DNAH14: variants seen among roughly 807,000 people sequenced by gnomAD.
The protein encoded by DNAH14 is axonemal beta dynein heavy chain 14.
A neutral mutation model predicts 520.9 loss-of-function variants in DNAH14; 478 were observed. The ratio of observed to expected loss-of-function variants is 0.92; its 90% CI spans 0.85 to 0.99. DNAH14 has a LOEUF of 0.99. DNAH14 is among the 50% of genes least tolerant of loss of function. The pLI is 0.00. For missense variants in DNAH14, 4,831 were observed against 5,234.5 expected (o/e 0.92, Z 2.38); for synonymous variants, 1,581 against 1,757.2 (o/e 0.90, Z 2.51).
intron 35 of DNAH14, among the ~76,000 whole-genome samples, chr1:225,160,563 T>G (rs911666149): frequency 6.6e-6 from 1 of 152,284 alleles, no homozygotes; most frequent in African/African-American, 2.4e-5. Flanking sequence ...GGTTCTAATC[T>G]GTGAAATTAA....
intron 17 of DNAH14, among the ~76,000 whole-genome samples, chr1:225,053,177 C>A (rs1352293428): frequency 1.3e-5 from 2 of 151,980 alleles, no homozygotes; most frequent in Non-Finnish European, 2.9e-5. Context: ...TGGTACCCCA[C>A]ACAAATTCAG....
At chr1:225,044,409 A>G (rs1041481613) in intron 15 of DNAH14, among the ~76,000 whole-genome samples, 4 of 152,166 alleles carry the variant, frequency 2.6e-5, no homozygotes, top group Non-Finnish European at 4.4e-5. Context: ...TTTTCTCACA[A>G]TAAGTTTTAC....
chr1:225,351,826 A>C lies in DNAH14; in HGVS notation c.11476A>C (p.Thr3826Pro). The C allele has an allele frequency of 6.4e-7, 1 of 1,551,322 alleles. No homozygotes were observed. ...TAAAGCAGTTTATTCTCTGATCAGC[A>C]CACCTTTCTCTTCAGAAAATGCTTC... ...NSKAVYSLIS[T>P]PFSSENASLE... The change falls in exon 72 of 86, where the codon ACA becomes CCA. Residue 3826 changes from threonine to proline, a missense_variant. Transcript: ENST00000682510.
chr1:225,096,861 T>A (rs1377946541), intron 21 of DNAH14, among the ~76,000 whole-genome samples: 1 of 152,170 alleles, frequency 6.6e-6, no homozygotes, highest in African/African-American at 2.4e-5. Flanking sequence ...TACATATATA[T>A]GTGTGTTACT....
intron 27 of DNAH14, among the ~76,000 whole-genome samples, chr1:225,135,940 G>A (rs2078918285): frequency 6.6e-6 from 1 of 151,880 alleles, no homozygotes; most frequent in South Asian, 2.1e-4. Context: ...ATCTTTGTTG[G>A]TTTAAAGTCT....
intron 10 of DNAH14, among the ~76,000 whole-genome samples, chr1:225,019,793 A>C (rs559487689): frequency 4.6e-4 from 70 of 152,310 alleles, no homozygotes; most frequent in African/African-American, 1.6e-3. Flanking sequence ...GCAGAAATTT[A>C]AAAAAATTAT....
intron 54 of DNAH14, among the ~76,000 whole-genome samples, chr1:225,279,273 C>T (rs1036896404): frequency 1.3e-5 from 2 of 152,192 alleles, no homozygotes; most frequent in African/African-American, 4.8e-5. Context: ...TCCCAAAGTG[C>T]TGGGATTACA....
intron 41 of DNAH14, among the ~76,000 whole-genome samples, chr1:225,227,744 GC>G (rs2090681265): frequency 6.6e-6 from 1 of 152,130 alleles, no homozygotes; most frequent in Non-Finnish European, 1.5e-5. Context: ...ACTTTATGGT[GC>G]CTAGGACATC....
At chr1:224,940,667 C>T (rs1349293554) in intron 1 of DNAH14, among the ~76,000 whole-genome samples, 1 of 151,700 alleles carries the variant, frequency 6.6e-6, no homozygotes. Flanking sequence ...GCTATCCCTC[C>T]CCCTTCCCCC....
At chr1:225,101,582 C>G (rs2075463414) in intron 23 of DNAH14, among the ~76,000 whole-genome samples, 1 of 152,044 alleles carries the variant, frequency 6.6e-6, no homozygotes, top group South Asian at 2.1e-4. Flanking sequence ...CAAATGTTAC[C>G]TCCCACAAAT....
chr1:225,169,725 C>T (rs192464393), intron 36 of DNAH14, among the ~76,000 whole-genome samples: 2 of 152,254 alleles, frequency 1.3e-5, no homozygotes, highest in Non-Finnish European at 1.5e-5. Flanking sequence ...AGAACTTCCC[C>T]AACCAAGGCA....
chr1:225,043,449 CA>C (rs1475325102), intron 13 of DNAH14, among the ~76,000 whole-genome samples: 1 of 152,118 alleles, frequency 6.6e-6, no homozygotes, highest in Non-Finnish European at 1.5e-5. Flanking sequence ...CATTGTTGTG[CA>C]TGTCAGTAAT....
At chr1:225,213,266 A>G (rs1356585236) in intron 41 of DNAH14, among the ~76,000 whole-genome samples, 1 of 152,054 alleles carries the variant, frequency 6.6e-6, no homozygotes, top group Non-Finnish European at 1.5e-5. Flanking sequence ...CCATTGGTCT[A>G]TATCTCTGTT....
chr1:225,199,331 T>C (rs1377082412), intron 38 of DNAH14, among the ~76,000 whole-genome samples: 1 of 152,156 alleles, frequency 6.6e-6, no homozygotes, highest in Non-Finnish European at 1.5e-5. Flanking sequence ...TTGTTTCAAT[T>C]TCATTTATTT....
At chr1:224,964,118 T>C (rs1239306148) in intron 4 of DNAH14, among the ~76,000 whole-genome samples, 1 of 152,042 alleles carries the variant, frequency 6.6e-6, no homozygotes, top group Non-Finnish European at 1.5e-5. Flanking sequence ...AGGAAAAATG[T>C]CTCCATCCCA....
chr1:225,139,634 T>C (rs1290192723), intron 27 of DNAH14, among the ~76,000 whole-genome samples: 1 of 152,228 alleles, frequency 6.6e-6, no homozygotes, highest in Non-Finnish European at 1.5e-5. Context: ...AAAATTCCTT[T>C]ATAAATAAAT....
At chr1:225,218,231 A>G (rs904102228) in intron 41 of DNAH14, among the ~76,000 whole-genome samples, 4 of 152,234 alleles carry the variant, frequency 2.6e-5, no homozygotes, top group Non-Finnish European at 5.9e-5. Context: ...CATCAACACT[A>G]TGAAGAAACT....
intron 39 of DNAH14, among the ~76,000 whole-genome samples, chr1:225,205,236 G>A (rs1282643724): frequency 6.6e-6 from 1 of 152,094 alleles, no homozygotes; most frequent in Non-Finnish European, 1.5e-5. Flanking sequence ...TAGGAGGCAG[G>A]GGGCCTTGGG....
At chr1:225,236,981 T>A (rs1181790912) in intron 42 of DNAH14, among the ~76,000 whole-genome samples, 1 of 152,130 alleles carries the variant, frequency 6.6e-6, no homozygotes, top group Non-Finnish European at 1.5e-5. Context: ...TGGTTTAAAA[T>A]CTGTTTTGTC....
Sources: allele counts gnomAD v4.1 joint callset (sites outside exome capture counted in the v4.1 genomes callset), GRCh38; gene constraint gnomAD v4.1.1; transcripts MANE v1.5; gene names NCBI Gene and HGNC (gene_info 2026-07-23, HGNC 2026-07-21).